The following POFUT1 variants were observed in gnomAD, a reference collection of about 807,000 sequenced individuals.
POFUT1 encodes the protein GDP-fucose protein O-fucosyltransferase 1.
Under a neutral mutation model 42.4 loss-of-function variants are expected in POFUT1, and 16 were observed. The observed-to-expected ratio is 0.38, with a 90% confidence interval of 0.26 to 0.57. The LOEUF (loss-of-function observed/expected upper bound fraction) is 0.57, where lower values mean the gene tolerates loss of function less well. Among genes scored for constraint, POFUT1 ranks in the 20% least tolerant of loss-of-function variants. The pLI is 0.71. For missense variants in POFUT1, 470 were observed against 504.6 expected, an observed-to-expected ratio of 0.93 and a Z score of 0.66; for synonymous variants, 206 against 205.4, an observed-to-expected ratio of 1.00 and a Z score of -0.03.
At chr20:32,233,714 G>A (rs2047455013) in intron 6 of POFUT1, among the ~76,000 whole-genome samples, 3 of 152,178 alleles carry the variant, frequency 2.0e-5, no homozygotes, top group Admixed American at 6.5e-5. Context: ...TCACCTTTGG[G>A]GAATATCTCA....
At chr20:32,218,143 A>C (rs145868815) in intron 4 of POFUT1, among the ~76,000 whole-genome samples, 3 of 152,104 alleles carry the variant, frequency 2.0e-5, no homozygotes, top group Non-Finnish European at 4.4e-5. Flanking sequence ...CAGTTACTTT[A>C]TATATTTATA....
chr20:32,233,003 G>T (rs138333358), intron 6 of POFUT1, among the ~76,000 whole-genome samples: 3 of 152,330 alleles, frequency 2.0e-5, no homozygotes, highest in Non-Finnish European at 4.4e-5. Flanking sequence ...TATAACGTGG[G>T]CCACAAGGTG....
chr20:32,208,019 G>A lies in POFUT1; in HGVS notation c.78G>A (p.Ala26=). 6.3e-7 allele frequency: 1 copy of A among 1,577,862 alleles called. No homozygotes were observed. The highest frequency in any genetic ancestry group is 1.1e-5 in the South Asian group (1 of 87,270). ...LLLLPLPGMP[A]GSWDPAGYLL... ...TTCTGCCGCTCCCGGGGATGCCTGC[G>A]GGCTCCTGGGACCCGGCCGGTTACC... is the stretch of plus-strand genomic sequence containing the variant. Residue 26 remains alanine (A), a synonymous_variant, in exon 1 of 7, where the codon GCG becomes GCA. Transcript: ENST00000375749.
At position 32,228,421 on chromosome 20, in the gene POFUT1, A is replaced by G. The variant is rs760466905; in HGVS notation, c.701A>G (p.Tyr234Cys). 8.7e-6 allele frequency: 14 copies of G among 1,614,026 alleles called. No homozygotes were observed. In the East Asian group the frequency reaches 1.8e-4, roughly 21 times the overall value. Residue 234 changes from tyrosine (Y) to cysteine (C), a missense_variant, in exon 5 of 7, where the codon TAT becomes TGT. By Grantham distance (194) the Tyr-to-Cys change is radical. Coordinates refer to ENST00000375749, the MANE Select transcript of POFUT1 (RefSeq NM_015352.2). The part of the protein sequence containing the change: ...AQIHAHLVRP[Y>C]VGIHLRIGSD... ...ATTCATGCCCACCTTGTCCGGCCCTATGTGGGCATTCATCTGCGCATTGGC... is the reference window on the plus strand; with the variant it reads ...ATTCATGCCCACCTTGTCCGGCCCTGTGTGGGCATTCATCTGCGCATTGGC...
At chr20:32,217,654 C>T (rs781447792) in intron 4 of POFUT1, 292 of 985,656 alleles carry the variant, frequency 3.0e-4, no homozygotes, top group Non-Finnish European at 3.3e-4. Context: ...AGATAGCCAG[C>T]GCTGATGGTA....
At chr20:32,226,452 C>CTCTGTG (rs147559522) in intron 4 of POFUT1, among the ~76,000 whole-genome samples, 42 of 147,734 alleles carry the variant, frequency 2.8e-4, no homozygotes, top group South Asian at 4.3e-4. Flanking sequence ...GAGTGCATGC[C>CTCTGTG]TGTGTGTGTG....
At chr20:32,213,716 A>G (rs1460698576) in intron 2 of POFUT1, among the ~76,000 whole-genome samples, 2 of 152,136 alleles carry the variant, frequency 1.3e-5, no homozygotes, top group Non-Finnish European at 2.9e-5. Context: ...GGTTGCAGTG[A>G]GCTGAGATCA....
At chr20:32,219,508 G>GTT (rs11478934) in intron 4 of POFUT1, among the ~76,000 whole-genome samples, 22 of 112,344 alleles carry the variant, frequency 2.0e-4, no homozygotes, top group African/African-American at 3.5e-4. Context: ...ATAACAACAA[G>GTT]TTTTTTTTTT....
chr20:32,229,084 TC>T, intron 5 of POFUT1, among the ~76,000 whole-genome samples: 3 of 152,102 alleles, frequency 2.0e-5, no homozygotes, highest in Non-Finnish European at 4.4e-5. Flanking sequence ...CTCTCCTCTT[TC>T]CCCCAGCCCC....
At chr20:32,216,809 C>T (rs2047363698) in intron 4 of POFUT1, 88 bp downstream of exon 4, 2 of 1,374,830 alleles carry the variant, frequency 1.5e-6, no homozygotes, top group African/African-American at 1.4e-5. Context: ...TCCCCATCTT[C>T]CCAACTCTGA....
Position 32,238,382 on chromosome 20 carries a change from A to G in POFUT1, c.*3721A>G, listed in dbSNP as rs1055625131. The G allele has an allele frequency of 2.6e-5, 4 of 152,230 alleles. No individual in the cohort carries two copies. The highest frequency in any genetic ancestry group is 9.7e-5 in the African/African-American group (4 of 41,448). The allele number at this position is 152,230 out of a possible 1,614,324, so 9.4% of individuals were successfully genotyped here. ...GCCACTGCATTCCAGCCTGGGCAAC[A>G]GAGCGAGACTCCATCTCAAAAAAAA... On this transcript the variant is annotated 3_prime_UTR_variant, in exon 7 of 7. Coordinates refer to ENST00000375749, the MANE Select transcript of POFUT1 (RefSeq NM_015352.2).
At chr20:32,208,161 C>A in intron 1 of POFUT1, 96 bp downstream of exon 1, 1 of 1,251,700 alleles carries the variant, frequency 8.0e-7, no homozygotes, top group Non-Finnish European at 1.1e-6. Context: ...TTCACAGGTC[C>A]AGGAGAGAAC....
chr20:32,237,423 T>G lies in POFUT1; in HGVS notation c.*2762T>G, dbSNP rs2047477060. 1.1e-5 allele frequency: 2 copies of G among 187,782 alleles called. No individual in the cohort carries two copies. Among genetic ancestry groups the G allele is most frequent in the Non-Finnish European group, 2.3e-5 (2 of 87,498 alleles). The allele number at this position is 187,782 out of a possible 1,614,324, so 11.6% of individuals were successfully genotyped here. ...TTTAGATGAGCCCAGGTAAGACCTC[T>G]CTGAAGAGCTGTCATGAAGGAGGGA... On this transcript the variant is annotated 3_prime_UTR_variant, in exon 7 of 7. Transcript: ENST00000375749.
chr20:32,236,016 A>G lies in POFUT1; in HGVS notation c.*1355A>G, dbSNP rs2047468536. Reference sequence around the variant, plus strand: ...CACTGTATCAAAGATCTCAAACAGCAAAGTCAGCATTTGCTGTATAGAGCT... The same window carrying G: ...CACTGTATCAAAGATCTCAAACAGCGAAGTCAGCATTTGCTGTATAGAGCT... On this transcript the variant is annotated 3_prime_UTR_variant, in exon 7 of 7. Transcript: ENST00000375749. 6.6e-6 allele frequency: 1 copy of G among 152,238 alleles called. No homozygotes were observed. The highest frequency in any genetic ancestry group is 2.1e-4 in the South Asian group (1 of 4,836). 9.4% of individuals were successfully genotyped at this position (152,238 alleles called of 1,614,324 possible).
At chr20:32,223,147 G>T (rs1392453171) in intron 4 of POFUT1, 1 of 985,326 alleles carries the variant, frequency 1.0e-6, no homozygotes, top group Non-Finnish European at 1.2e-6. Flanking sequence ...TGGTGGTGAA[G>T]AATCCCAGAG....
Position 32,228,536 on chromosome 20 carries a change from G to A in POFUT1, c.735+81G>A, listed in dbSNP as rs1386767720. The A allele has an allele frequency of 3.9e-5, 47 of 1,209,248 alleles. 2 individuals carry two copies. The highest frequency in any genetic ancestry group is 2.5e-4 in the South Asian group (17 of 67,044). The allele number at this position is 1,209,248 out of a possible 1,614,324, so 74.9% of individuals were successfully genotyped here. On this transcript the variant is annotated intron_variant, in intron 5 of 6. Transcript: ENST00000375749. Reference sequence around the variant, plus strand: ...CCTGGCCTGTAGGGATCGGCCCCGCGTCCCAGCCAGAGCAGAGATCTCTCA... The same window carrying A: ...CCTGGCCTGTAGGGATCGGCCCCGCATCCCAGCCAGAGCAGAGATCTCTCA...
chr20:32,225,440 G>T (rs1357628939), intron 4 of POFUT1, among the ~76,000 whole-genome samples: 1 of 151,934 alleles, frequency 6.6e-6, no homozygotes, highest in African/African-American at 2.4e-5. Context: ...ACCTACCTTG[G>T]CTTCCCAAAG....
chr20:32,213,103 C>T (rs111515580), intron 2 of POFUT1, among the ~76,000 whole-genome samples: 8,808 of 150,322 alleles, frequency 0.059, 906 homozygotes, highest in African/African-American at 0.2. Context: ...CCAGAGTGGT[C>T]TCCAACTCCT....
rs958406225 is a variant in POFUT1, at chr20:32,237,156, C to A, written c.*2495C>A. The A allele has an allele frequency of 3.3e-5, 5 of 152,242 alleles. No homozygotes were observed. Among genetic ancestry groups the A allele is most frequent in the African/African-American group, 9.7e-5 (4 of 41,428 alleles). The allele number at this position is 152,242 out of a possible 1,614,324, so 9.4% of individuals were successfully genotyped here. A position where few individuals can be genotyped will look rare whatever the true frequency, so the allele number is the denominator to read the frequency against. Reference sequence around the variant, plus strand: ...AAAGCCTACATGCCGCTTACAGCCCCCGTTGGATGGTTGCTCAGTACAACA... The same window carrying A: ...AAAGCCTACATGCCGCTTACAGCCCACGTTGGATGGTTGCTCAGTACAACA... On this transcript the variant is annotated 3_prime_UTR_variant, in exon 7 of 7. Coordinates refer to ENST00000375749, the MANE Select transcript of POFUT1 (RefSeq NM_015352.2).
Sources: allele counts gnomAD v4.1 joint callset (sites outside exome capture counted in the v4.1 genomes callset), GRCh38; gene constraint gnomAD v4.1.1; transcripts MANE v1.5; gene names NCBI Gene and HGNC (gene_info 2026-07-23, HGNC 2026-07-21).